Variants in NLRP7 observed in about 807,000 individuals in gnomAD.
The protein encoded by NLRP7 is NLR family pyrin domain containing 7, also known as NACHT, LRR and PYD domains-containing protein 7.
NLRP7 carries 72 observed loss-of-function variants against 85.5 expected under a neutral mutation model. The ratio of observed to expected loss-of-function variants is 0.84; its 90% CI spans 0.70 to 1.02. The LOEUF is 1.02. NLRP7 is among the 50% of genes least tolerant of loss of function. The pLI, the probability that NLRP7 is intolerant of heterozygous loss-of-function variation, is 0.00. For missense variants in NLRP7, 1,243 were observed against 1,219.5 expected (o/e 1.02, Z -0.29); for synonymous variants, 550 against 505.2 (o/e 1.09, Z -1.19).
rs2068838372 is a variant in NLRP7, at chr19:54,934,839, A to AGCTGGG, written c.2301-186_2301-181dup. Among the ~76,000 whole-genome samples the AGCTGGG allele has an allele frequency of 6.6e-6, 1 of 151,836 alleles. No individual in the cohort carries two copies. The highest frequency in any genetic ancestry group is 1.5e-5 in the Non-Finnish European group (1 of 67,942). ...ATTCTCCTGCCTCAGCCTCCGAAGT[A>AGCTGGG]GCTGGGATTACAGGCATTCGCCAAT... On this transcript the variant is annotated intron_variant, in intron 6 of 9. Coordinates refer to ENST00000340844, the Ensembl canonical transcript of NLRP7. This position sits in a 1 kb window ranked among gnomAD's most constrained non-coding sequence, Gnocchi z 6.7.
At chr19:54,933,687 A>G in exon 8 of NLRP7, 1 of 1,614,198 alleles carries the variant, frequency 6.2e-7, no homozygotes, top group Non-Finnish European at 8.5e-7. Context: ...CTGACAACCA[A>G]GACAGCAGCA....
At chr19:54,928,732 G>C (rs2068548621) in intron 9 of NLRP7, among the ~76,000 whole-genome samples, 1 of 152,108 alleles carries the variant, frequency 6.6e-6, no homozygotes. Flanking sequence ...TAGTGAGAAA[G>C]TAGAATGATT....
chr19:54,941,762 A>G lies in NLRP7; in HGVS notation c.-39-12T>C. 1 of 1,580,028 alleles carries G rather than the reference A, an allele frequency of 6.3e-7. No individual in the cohort carries two copies. Among genetic ancestry groups the G allele is most frequent in the Non-Finnish European group, 8.6e-7 (1 of 1,167,260 alleles). On this transcript the variant is annotated splice_polypyrimidine_tract_variant and intron_variant, in intron 1 of 9. Coordinates refer to ENST00000340844, the Ensembl canonical transcript of NLRP7. ...TTAAGGCTGAAGAACTGGGGGGAAAAAAGGAAAAACAGTTCACGAGTTACC... is the reference window on the plus strand; with the variant it reads ...TTAAGGCTGAAGAACTGGGGGGAAAGAAGGAAAAACAGTTCACGAGTTACC...
intron 1 of NLRP7, among the ~76,000 whole-genome samples, chr19:54,945,104 A>G (rs985173828): frequency 4.6e-5 from 7 of 151,514 alleles, no homozygotes; most frequent in Admixed American, 1.3e-4. Context: ...TTAGCCGGGC[A>G]TGGTGGCGGG....
chr19:54,940,626 A>G (rs1456717515), intron 3 of NLRP7, among the ~76,000 whole-genome samples, 160 bp from the exon 4 acceptor site: 1 of 152,138 alleles, frequency 6.6e-6, no homozygotes, highest in Non-Finnish European at 1.5e-5. Context: ...CAGGAGTTCA[A>G]GACCAGCCTG....
upstream of NLRP7, among the ~76,000 whole-genome samples, chr19:54,951,495 A>G (rs2069667190): frequency 6.6e-6 from 1 of 152,152 alleles, no homozygotes; most frequent in Admixed American, 6.6e-5. Flanking sequence ...GGTTGCAGTG[A>G]GCCGAGGTCG....
intron 9 of NLRP7, 136 bp from the exon 11 acceptor site, chr19:54,924,008 C>T: frequency 1.1e-6 from 1 of 943,888 alleles, no homozygotes; most frequent in Non-Finnish European, 1.6e-6. Flanking sequence ...TGCTCTGTTG[C>T]CCAGGCTGGG....
At chr19:54,961,482 C>T (rs1443285313) in intron 1 of NLRP7, among the ~76,000 whole-genome samples, 1 of 143,440 alleles carries the variant, frequency 7.0e-6, no homozygotes. Flanking sequence ...TGGGCAACAA[C>T]AGAGAGACTT....
Position 54,934,459 on chromosome 19 carries a change from C to T in NLRP7, c.2471+30G>A. The T allele has an allele frequency of 1.9e-6, 3 of 1,612,680 alleles. No individual in the cohort carries two copies. The highest frequency in any genetic ancestry group is 2.5e-6 in the Non-Finnish European group (3 of 1,178,720). On this transcript the variant is annotated intron_variant, in intron 7 of 9. Transcript: ENST00000340844. This position sits in a 1 kb window ranked among gnomAD's most constrained non-coding sequence, Gnocchi z 6.7. ...CTCTTCTATAGCCCCAGAACTAAAC[C>T]AGAGCTGCCCATGGGAAGAGGAGAC...
intron 1 of NLRP7, among the ~76,000 whole-genome samples, chr19:54,942,248 T>C (rs1422282974): frequency 1.1e-5 from 1 of 88,304 alleles, no homozygotes; most frequent in Non-Finnish European, 2.0e-5. Context: ...AGAGCGAGAC[T>C]CCGTCTCAAA....
At chr19:54,944,420 C>T (rs528884992) in intron 1 of NLRP7, among the ~76,000 whole-genome samples, 2 of 151,528 alleles carry the variant, frequency 1.3e-5, no homozygotes, top group South Asian at 4.1e-4. Context: ...CAGACATTTG[C>T]TCACATGTTT....
chr19:54,942,367 T>G (rs964024513), intron 1 of NLRP7, among the ~76,000 whole-genome samples: 1 of 150,770 alleles, frequency 6.6e-6, no homozygotes, highest in African/African-American at 2.4e-5. Flanking sequence ...TATACCAACG[T>G]CCATGGGCTG....
intron 9 of NLRP7, among the ~76,000 whole-genome samples, chr19:54,929,030 C>T (rs927725378): frequency 5.9e-5 from 9 of 152,106 alleles, no homozygotes; most frequent in Non-Finnish European, 1.0e-4. Flanking sequence ...AAAGGTATCA[C>T]GGTCTGGCTT....
rs575433264 is a variant in NLRP7 at position 54,937,094 on chromosome 19, T to A, written c.2130-663A>T. On this transcript the variant is annotated intron_variant, in intron 5 of 9. Coordinates refer to ENST00000340844, the Ensembl canonical transcript of NLRP7. ...CTAGCCGGGCGTGGTGGCGGGCGCCTGTAGTCCCAGCTACTCGGGAGGCTG... is the reference window on the plus strand; with the variant it reads ...CTAGCCGGGCGTGGTGGCGGGCGCCAGTAGTCCCAGCTACTCGGGAGGCTG... Among the ~76,000 whole-genome samples, 7 of 151,366 alleles carry A rather than the reference T, an allele frequency of 4.6e-5. No homozygotes were observed. In the East Asian group the frequency reaches 9.7e-4, roughly 21 times the overall value.
chr19:54,956,216 G>T (rs1048893304), intron 1 of NLRP7, among the ~76,000 whole-genome samples: 2 of 151,960 alleles, frequency 1.3e-5, no homozygotes, highest in African/African-American at 2.4e-5. Flanking sequence ...AGGAAGGAAG[G>T]AAGTCAGTCA....
At chr19:54,943,178 A>C (rs2069309221) in intron 1 of NLRP7, among the ~76,000 whole-genome samples, 1 of 151,382 alleles carries the variant, frequency 6.6e-6, no homozygotes, top group Non-Finnish European at 1.5e-5. Flanking sequence ...GGCCTGGTGG[A>C]ACATACCCGT....
At chr19:54,928,460 G>T (rs1454465333) in intron 9 of NLRP7, among the ~76,000 whole-genome samples, 1 of 152,100 alleles carries the variant, frequency 6.6e-6, no homozygotes, top group African/African-American at 2.4e-5. Context: ...AAAGGCAGAG[G>T]GGAGTGAGCA....
intron 1 of NLRP7, among the ~76,000 whole-genome samples, chr19:54,957,023 TTTA>T (rs939717748): frequency 6.6e-6 from 1 of 151,804 alleles, no homozygotes; most frequent in African/African-American, 2.4e-5. Context: ...TATTTATTTA[TTTA>T]TTTATTTTAT....
exon 2 of NLRP7, chr19:54,941,714 T>C: frequency 6.2e-7 from 1 of 1,611,938 alleles, no homozygotes; most frequent in Non-Finnish European, 8.5e-7. Flanking sequence ...GATGTCATAG[T>C]GCTCCGAGTA....
Sources: allele counts gnomAD v4.1 joint callset (sites outside exome capture counted in the v4.1 genomes callset), GRCh38; gene constraint gnomAD v4.1.1; non-coding constraint Gnocchi (gnomAD v3.1); transcripts MANE v1.5; gene names NCBI Gene and HGNC (gene_info 2026-07-23, HGNC 2026-07-21).